CLCN6: variants seen among roughly 807,000 people sequenced by gnomAD.
CLCN6 encodes the protein Cl-/H+ antiporter 6.
A neutral mutation model predicts 109.8 loss-of-function variants in CLCN6; 70 were observed. The observed-to-expected ratio is 0.64, with a 90% CI of 0.53 to 0.78. The LOEUF is 0.78. Ranked by LOEUF, CLCN6 falls within the 30% of genes least tolerant of loss-of-function variation. CLCN6 has a pLI of 0.00. For missense variants in CLCN6, 984 were observed against 1,142.3 expected (o/e 0.86, Z 2.00); for synonymous variants, 444 against 447.8 (o/e 0.99, Z 0.11).
At chr1:11,816,465 G>C in intron 3 of CLCN6, 150 bp from the exon 4 acceptor site, 1 of 686,818 alleles carries the variant, frequency 1.5e-6, no homozygotes, top group Non-Finnish European at 2.5e-6. Flanking sequence ...CATCATTTTT[G>C]CACTGTAAAG....
chr1:11,810,895 G>C (rs1221365830), intron 2 of CLCN6, among the ~76,000 whole-genome samples: 2 of 152,124 alleles, frequency 1.3e-5, no homozygotes, highest in African/African-American at 2.4e-5. Flanking sequence ...GTGAGACTTT[G>C]TTCCTACAAA....
At position 11,842,710 on chromosome 1, in the gene CLCN6, C is replaced by G. The variant is rs1386268497; in HGVS notation, c.*2487C>G. On this transcript the variant is annotated 3_prime_UTR_variant, in exon 23 of 23. Transcript: ENST00000346436. ...GGAGTGGGGCCAATGGGCCCCCGGC[C>G]CTGGCTTTGGGACCTTGTGCTGAGG... 6.6e-6 allele frequency: 1 copy of G among 152,314 alleles called. No homozygotes were observed. Among genetic ancestry groups the G allele is most frequent in the Non-Finnish European group, 1.5e-5 (1 of 68,064 alleles). 9.4% of individuals were successfully genotyped at this position (152,314 alleles called of 1,614,324 possible).
Position 11,819,441 on chromosome 1 carries a change from C to T in CLCN6, c.280-47C>T, listed in dbSNP as rs756903063. ...GGAGCACACCTGTACTATACTTGTG[C>T]TACACTTGGAAATAAGGCTGTGTGA... On this transcript the variant is annotated intron_variant, in intron 4 of 22. Transcript: ENST00000346436. 1.9e-6 allele frequency: 3 copies of T among 1,556,270 alleles called. No homozygotes were observed. In the African/African-American group the frequency reaches 4.1e-5, roughly 21 times the overall value.
chr1:11,837,934 C>T (rs1476472591), intron 20 of CLCN6, among the ~76,000 whole-genome samples: 1 of 152,140 alleles, frequency 6.6e-6, no homozygotes, highest in Admixed American at 6.5e-5. Context: ...CATCTGAACT[C>T]GGTCACATCT....
chr1:11,838,491 C>T, intron 21 of CLCN6, 44 bp from the exon 22 acceptor site: 1 of 1,607,208 alleles, frequency 6.2e-7, no homozygotes, highest in Non-Finnish European at 8.5e-7. Flanking sequence ...CCTCTTCATG[C>T]CGTTGGCGTC....
chr1:11,828,558 A>G lies in CLCN6; in HGVS notation c.1055A>G (p.Asn352Ser). Residue 352 changes from asparagine to serine, a missense_variant, in exon 12 of 23, where the codon AAC becomes AGC. Coordinates refer to ENST00000346436, the MANE Select transcript of CLCN6 (RefSeq NM_001286.5). Reference sequence around the variant, plus strand: ...GGGGGCCTCCTGGGAGCCACATTCAACTGTCTGAACAAGAGGCTTGCAAAG... The same window carrying G: ...GGGGGCCTCCTGGGAGCCACATTCAGCTGTCTGAACAAGAGGCTTGCAAAG... ...VIGGLLGATF[N>S]CLNKRLAKYR... is the part of the protein sequence containing the mutation. 6.2e-7 allele frequency: 1 copy of G among 1,614,122 alleles called. No individual in the cohort carries two copies. The highest frequency in any genetic ancestry group is 1.1e-5 in the South Asian group (1 of 91,070).
chr1:11,819,628 C>T (rs198393), intron 5 of CLCN6, 74 bp downstream of exon 5: 549,697 of 1,323,598 alleles, frequency 0.42, 119,398 homozygotes, highest in African/African-American at 0.61. Flanking sequence ...AGAAATGGGT[C>T]TAACAGTAAG....
In CLCN6 at chr1:11,835,979, C is replaced by T. The variant is rs1644938854; in HGVS notation, c.1806C>T (p.Ser602=). 1.2e-6 allele frequency: 2 copies of T among 1,612,940 alleles called. No individual in the cohort carries two copies. Among genetic ancestry groups the T allele is most frequent in the East Asian group, 2.2e-5 (1 of 44,844 alleles). Residue 602 remains serine, a synonymous_variant, in exon 18 of 23, where the codon AGC becomes AGT. Transcript: ENST00000346436. ...TEVEMDKLRA[S]DIMEPNLTYV... is the part of the protein sequence containing the mutation. ...CCTCCTCCCCCAGGCTGAGAGCCAG[C>T]GACATCATGGAGCCCAACCTGACCT...
rs778205541 is a variant in CLCN6, at chr1:11,817,913, T to C, written c.279+1233T>C. ...CATTCAGAAGCCCTCTTCAGTGATA[T>C]TCTGATGGATACCATTTTGGGGAAA... On this transcript the variant is annotated intron_variant, in intron 4 of 22. Transcript: ENST00000346436. 1.6e-4 allele frequency among the ~76,000 whole-genome samples: 25 copies of C among 152,306 alleles called. 3 individuals are homozygous for C. The highest frequency in any genetic ancestry group is 5.2e-4 in the Admixed American group (8 of 15,284).
rs1445954071 is a variant in CLCN6, at chr1:11,834,565, T to A, written c.1768T>A (p.Trp590Arg). 1 of 1,613,986 alleles carries A rather than the reference T, an allele frequency of 6.2e-7. No homozygotes were observed. Among genetic ancestry groups the A allele is most frequent in the Non-Finnish European group, 8.5e-7 (1 of 1,180,020 alleles). Residue 590 changes from tryptophan (W) to arginine (R), a missense_variant, in exon 17 of 23, where the codon TGG (tryptophan) becomes AGG (arginine). By Grantham distance (101) the Trp-to-Arg change is moderately radical. Coordinates refer to ENST00000346436, the MANE Select transcript of CLCN6 (RefSeq NM_001286.5). The surrounding 1 kb of genome is among the most constrained non-coding windows in gnomAD (Gnocchi z 4.5). ...VGLRGVPLLE[W>R]ETEVEMDKLR... ...CCTGCGAGGCGTGCCGCTTCTGGAA[T>A]GGGAGACAGAGGTGGAAATGGACAA...
chr1:11,812,000 A>G (rs538906053), intron 2 of CLCN6, among the ~76,000 whole-genome samples: 1 of 152,212 alleles, frequency 6.6e-6, no homozygotes, highest in East Asian at 1.9e-4. Context: ...TTGTTTCCCC[A>G]CTACTCAGGA....
rs1221161169 is a variant in CLCN6, at chr1:11,829,259, G to A, written c.1185G>A (p.Val395=). 2.5e-6 allele frequency: 4 copies of A among 1,614,180 alleles called. No homozygotes were observed. Among genetic ancestry groups the A allele is most frequent in the South Asian group, 2.2e-5 (2 of 91,086 alleles). The part of the protein sequence containing the change: ...TTVVVFVASM[V]LGECRQMSSS... ...TGGTGGTGTTTGTGGCCTCGATGGT[G>A]TTAGGAGAATGCCGACAGATGTCCT... Residue 395 remains valine (V), a synonymous_variant, in exon 13 of 23, where the codon GTG becomes GTA. Coordinates refer to ENST00000346436, the MANE Select transcript of CLCN6 (RefSeq NM_001286.5).
intron 6 of CLCN6, 76 bp from the exon 7 acceptor site, chr1:11,823,631 G>A (rs1418563875): frequency 5.6e-6 from 9 of 1,598,868 alleles, no homozygotes; most frequent in South Asian, 3.4e-5. Flanking sequence ...TCCCTCTTCC[G>A]CCGCCCAGAT....
rs954449749 is a variant in CLCN6 at position 11,840,385 on chromosome 1, G to T, written c.*162G>T. On this transcript the variant is annotated 3_prime_UTR_variant, in exon 23 of 23. Transcript: ENST00000346436. ...GACACCTTGCTGGTCAGAGGTCCTG[G>T]GGGTGGTTTTGAACCATCAGAGCTT... The T allele has an allele frequency of 2.2e-5, 15 of 678,020 alleles. No individual in the cohort carries two copies. In the East Asian group the frequency reaches 3.2e-4, roughly 15 times the overall value. 42.0% of individuals were successfully genotyped at this position (678,020 alleles called of 1,614,324 possible).
chr1:11,837,431 G>A lies in CLCN6; in HGVS notation c.2227G>A (p.Gly743Ser), dbSNP rs763391079. Residue 743 changes from glycine (G) to serine (S), a missense_variant, in exon 20 of 23, where the codon GGC becomes AGC. Gly to Ser is a moderately conservative substitution (Grantham distance 56). Coordinates refer to ENST00000346436, the MANE Select transcript of CLCN6 (RefSeq NM_001286.5). The stretch of plus-strand genomic sequence containing the variant: ...GCGGTTCCGCCCTCTGACCTTCCAC[G>A]GCCTGATCCTTCGGTCGCAGCTTGT... ...EERFRPLTFH[G>S]LILRSQLVTL... The A allele has an allele frequency of 6.8e-6, 11 of 1,614,036 alleles. No homozygotes were observed. Among genetic ancestry groups the A allele is most frequent in the East Asian group, 2.2e-5 (1 of 44,880 alleles).
At position 11,806,467 on chromosome 1, in the gene CLCN6, G is replaced by A. The variant is rs962703494; in HGVS notation, c.87+118G>A. On this transcript the variant is annotated intron_variant, in intron 1 of 22. Coordinates refer to ENST00000346436, the MANE Select transcript of CLCN6 (RefSeq NM_001286.5). ...CGCAGGTGGCAGCGGGTGGGGCCTGGGGACCGCAGCCAGGGCTCTCGAAGC... is the reference window on the plus strand; with the variant it reads ...CGCAGGTGGCAGCGGGTGGGGCCTGAGGACCGCAGCCAGGGCTCTCGAAGC... 10 of 891,982 alleles carry A rather than the reference G, an allele frequency of 1.1e-5. No individual in the cohort carries two copies. The Admixed American group carries it at 2.1e-4, about 18-fold the overall frequency. The allele number at this position is 891,982 out of a possible 1,614,324, so 55.3% of individuals were successfully genotyped here.
rs1272214705 is a variant in CLCN6 at position 11,836,074 on chromosome 1, C to T, written c.1901C>T (p.Pro634Leu). 4 of 1,614,078 alleles carry T rather than the reference C, an allele frequency of 2.5e-6. No homozygotes were observed. The highest frequency in any genetic ancestry group is 3.4e-6 in the Non-Finnish European group (4 of 1,179,986). Residue 634 changes from proline to leucine, a missense_variant, in exon 18 of 23, where the codon CCG becomes CTG. Transcript: ENST00000346436. Reference protein sequence around the residue: ...ILRTTVHHAFPVVTENRGNEK... With the variant: ...ILRTTVHHAFLVVTENRGNEK... ...CGCACCACGGTCCACCATGCCTTCC[C>T]GGTGGTCACAGAGAACCGCGGTAAC...
At chr1:11,835,808 G>A (rs1041522039) in intron 17 of CLCN6, among the ~76,000 whole-genome samples, 159 bp from the exon 18 acceptor site, 3 of 152,184 alleles carry the variant, frequency 2.0e-5, no homozygotes, top group Non-Finnish European at 4.4e-5. Context: ...GGGGATAGAA[G>A]TACAAAGGAA....
intron 5 of CLCN6, among the ~76,000 whole-genome samples, chr1:11,821,847 G>A (rs1644747837): frequency 1.3e-5 from 2 of 152,162 alleles, no homozygotes; most frequent in Non-Finnish European, 2.9e-5. Flanking sequence ...TATCATTTTA[G>A]ACATCATGTC....
Sources: gnomAD v4.1 joint callset for allele counts (sites outside exome capture counted in the v4.1 genomes callset) on GRCh38, gnomAD v4.1.1 for gene constraint, Gnocchi (gnomAD v3.1) non-coding constraint, MANE v1.5 for transcripts, NCBI Gene and HGNC (gene_info 2026-07-23, HGNC 2026-07-21) for gene names.